Variants in ZNRF4 observed in about 807,000 individuals in gnomAD.
ZNRF4 encodes the protein zinc and ring finger 4.
For synonymous variants in ZNRF4, 291 were observed against 285.9 expected (o/e 1.02, Z -0.18); for missense variants, 569 against 609.4 (o/e 0.93, Z 0.70).
Position 5,456,482 on chromosome 19 carries a change from T to C in ZNRF4, c.991T>C (p.Tyr331His). ...CAAGATCCTGCCCTGCTCCCACACC[T>C]ACCACTGCAAATGCATTGACCCCTG... ...QLKILPCSHT[Y>H]HCKCIDPWFS... The change falls in exon 1 of 1, where the codon TAC becomes CAC. Residue 331 changes from tyrosine to histidine, a missense_variant. Transcript: ENST00000222033. 6.2e-7 allele frequency: 1 copy of C among 1,614,098 alleles called. No homozygotes were observed. Among genetic ancestry groups the C allele is most frequent in the Non-Finnish European group, 8.5e-7 (1 of 1,180,030 alleles).
chr19:5,455,834 G>C lies in ZNRF4; in HGVS notation c.343G>C (p.Asp115His). Reference protein sequence around the residue: ...EDNSSSVDFADLPALFGVPLA... With the variant: ...EDNSSSVDFAHLPALFGVPLA... The stretch of plus-strand genomic sequence containing the variant: ...CAACTCGAGCTCGGTGGACTTTGCG[G>C]ATCTGCCGGCGCTGTTCGGCGTCCC... The change falls in exon 1 of 1, where the codon GAT (aspartate) becomes CAT (histidine). Residue 115 changes from aspartate to histidine, a missense_variant. Physicochemically the swap from Asp to His is moderately conservative, Grantham distance 81 (BLOSUM62 -1). Coordinates refer to ENST00000222033, the MANE Select transcript of ZNRF4 (RefSeq NM_181710.4). 1 of 1,604,128 alleles carries C rather than the reference G, an allele frequency of 6.2e-7. No homozygotes were observed. Among genetic ancestry groups the C allele is most frequent in the South Asian group, 1.1e-5 (1 of 91,080 alleles).
rs748996199 is a variant in ZNRF4, at chr19:5,455,563, G to A, written c.72G>A (p.Leu24=). ...SRVPVAASLP[L]SHAVIPTQLP... ...TCCCAGTGGCCGCGTCACTGCCTCT[G>A]AGCCACGCGGTCATTCCAACTCAAC... Residue 24 remains leucine, a synonymous_variant, in exon 1 of 1, where the codon CTG becomes CTA. Transcript: ENST00000222033. 4 of 1,612,588 alleles carry A rather than the reference G, an allele frequency of 2.5e-6. No homozygotes were observed. Among genetic ancestry groups the A allele is most frequent in the African/African-American group, 1.3e-5 (1 of 74,942 alleles).
At position 5,455,667 on chromosome 19, in the gene ZNRF4, G is replaced by A. The variant is rs950461118; in HGVS notation, c.176G>A (p.Gly59Glu). The change falls in exon 1 of 1, where the codon GGA becomes GAA. Residue 59 changes from glycine (G) to glutamate (E), a missense_variant. Gly to Glu is a moderately conservative substitution (Grantham distance 98, BLOSUM62 -2). Coordinates refer to ENST00000222033, the MANE Select transcript of ZNRF4 (RefSeq NM_181710.4). ...PKASCLPPPV[G>E]PSSTQTAKRV... ...GCCTCATGCCTGCCGCCTCCAGTGG[G>A]ACCTAGCAGCACACAGACAGCGAAG... is the stretch of plus-strand genomic sequence containing the variant. The A allele has an allele frequency of 6.8e-6, 11 of 1,610,022 alleles. No homozygotes were observed. The highest frequency in any genetic ancestry group is 9.3e-6 in the Non-Finnish European group (11 of 1,179,960).
chr19:5,455,573 G>A lies in ZNRF4; in HGVS notation c.82G>A (p.Val28Ile), dbSNP rs2051609376. The A allele has an allele frequency of 6.2e-7, 1 of 1,612,524 alleles. No individual in the cohort carries two copies. Among genetic ancestry groups the A allele is most frequent in the African/African-American group, 1.3e-5 (1 of 74,962 alleles). ...CGCGTCACTGCCTCTGAGCCACGCG[G>A]TCATTCCAACTCAACTGCCCTCGCG... ...VAASLPLSHAVIPTQLPSRPG... is the reference protein window; with the variant it reads ...VAASLPLSHAIIPTQLPSRPG... The change falls in exon 1 of 1, where the codon GTC becomes ATC. Residue 28 changes from valine (V) to isoleucine (I), a missense_variant. By Grantham distance (29) the Val-to-Ile change is conservative. Coordinates refer to ENST00000222033, the MANE Select transcript of ZNRF4 (RefSeq NM_181710.4).
rs1031952634 is a variant in ZNRF4, at chr19:5,456,513, C to T, written c.1022C>T (p.Ser341Phe). The change falls in exon 1 of 1, where the codon TCC becomes TTC. Residue 341 changes from serine to phenylalanine, a missense_variant. Transcript: ENST00000222033. Reference sequence around the variant, plus strand: ...TGCAAATGCATTGACCCCTGGTTCTCCCAAGCCCCCCGGCGCTCCTGCCCC... The same window carrying T: ...TGCAAATGCATTGACCCCTGGTTCTTCCAAGCCCCCCGGCGCTCCTGCCCC... The part of the protein sequence containing the change: ...YHCKCIDPWF[S>F]QAPRRSCPVC... 5.0e-6 allele frequency: 8 copies of T among 1,614,172 alleles called. No individual in the cohort carries two copies. Among genetic ancestry groups the T allele is most frequent in the Non-Finnish European group, 6.8e-6 (8 of 1,180,048 alleles).
chr19:5,455,557 G>T lies in ZNRF4; in HGVS notation c.66G>T (p.Leu22=). The T allele has an allele frequency of 6.2e-7, 1 of 1,612,800 alleles. No homozygotes were observed. ...RASRVPVAAS[L]PLSHAVIPTQ... is the part of the protein sequence containing the mutation. ...GCAGGGTCCCAGTGGCCGCGTCACT[G>T]CCTCTGAGCCACGCGGTCATTCCAA... Residue 22 remains leucine, a synonymous_variant, in exon 1 of 1, where the codon CTG becomes CTT. Coordinates refer to ENST00000222033, the MANE Select transcript of ZNRF4 (RefSeq NM_181710.4).
In ZNRF4 at chr19:5,456,313, C is replaced by A. The variant is rs938903275; in HGVS notation, c.822C>A (p.His274Gln). Residue 274 changes from histidine (H) to glutamine (Q), a missense_variant, in exon 1 of 1, where the codon CAC becomes CAA. His to Gln is a conservative substitution (Grantham distance 24). Coordinates refer to ENST00000222033, the MANE Select transcript of ZNRF4 (RefSeq NM_181710.4). ...LVVSAFFVLN[H>Q]LWLWAQACCS... is the part of the protein sequence containing the mutation. ...TATCAGCCTTCTTTGTCCTGAACCACCTGTGGCTCTGGGCCCAGGCCTGCT... is the reference window on the plus strand; with the variant it reads ...TATCAGCCTTCTTTGTCCTGAACCAACTGTGGCTCTGGGCCCAGGCCTGCT... 2.5e-6 allele frequency: 4 copies of A among 1,613,760 alleles called. No homozygotes were observed. The highest frequency in any genetic ancestry group is 3.4e-6 in the Non-Finnish European group (4 of 1,180,050).
In ZNRF4 at chr19:5,456,677, G is replaced by C; in HGVS notation, c.1186G>C (p.Glu396Gln). 2.5e-6 allele frequency: 4 copies of C among 1,613,458 alleles called. No homozygotes were observed. The highest frequency in any genetic ancestry group is 3.4e-6 in the Non-Finnish European group (4 of 1,179,640). Residue 396 changes from glutamate to glutamine, a missense_variant, in exon 1 of 1, where the codon GAG becomes CAG. Physicochemically the swap from Glu to Gln is conservative, Grantham distance 29. Transcript: ENST00000222033. The part of the protein sequence containing the change: ...IQVQLRSRRL[E>Q]LLGRASPHCH... ...AGTCCAGCTACGCTCCCGGAGGCTG[G>C]AGCTGCTGGGCCGCGCCAGTCCCCA...
In ZNRF4 at chr19:5,456,022, C is replaced by T. The variant is rs377305287; in HGVS notation, c.531C>T (p.Arg177=). 4.7e-5 allele frequency: 76 copies of T among 1,601,448 alleles called. No individual in the cohort carries two copies. Among genetic ancestry groups the T allele is most frequent in the Non-Finnish European group, 6.0e-5 (71 of 1,179,798 alleles). Residue 177 remains arginine, a synonymous_variant, in exon 1 of 1, where the codon CGC becomes CGT. Coordinates refer to ENST00000222033, the MANE Select transcript of ZNRF4 (RefSeq NM_181710.4). ...TFDLKVLNAQ[R]AGFEAAIVHN... ...ACCTCAAGGTGCTGAACGCCCAGCG[C>T]GCCGGCTTCGAGGCGGCCATCGTGC...
At position 5,456,500 on chromosome 19, in the gene ZNRF4, G is replaced by C. The variant is rs555282051; in HGVS notation, c.1009G>C (p.Asp337His). 6 of 1,614,104 alleles carry C rather than the reference G, an allele frequency of 3.7e-6. No individual in the cohort carries two copies. The Admixed American group carries it at 8.3e-5, about 22-fold the overall frequency. Reference protein sequence around the residue: ...CSHTYHCKCIDPWFSQAPRRS... With the variant: ...CSHTYHCKCIHPWFSQAPRRS... ...CCACACCTACCACTGCAAATGCATT[G>C]ACCCCTGGTTCTCCCAAGCCCCCCG... is the stretch of plus-strand genomic sequence containing the variant. The change falls in exon 1 of 1, where the codon GAC becomes CAC. Residue 337 changes from aspartate to histidine, a missense_variant. Transcript: ENST00000222033.
At position 5,456,192 on chromosome 19, in the gene ZNRF4, C is replaced by A. The variant is rs199777438; in HGVS notation, c.701C>A (p.Ala234Glu). 1 of 1,609,242 alleles carries A rather than the reference C, an allele frequency of 6.2e-7. No individual in the cohort carries two copies. Among genetic ancestry groups the A allele is most frequent in the Middle Eastern group, 1.6e-4 (1 of 6,062 alleles). ...VILGCNKSAH[A>E]LLLPDDPPCH... ...CTGGGCTGCAACAAGTCGGCCCACG[C>A]GCTGCTCCTGCCCGACGACCCACCG... is the stretch of plus-strand genomic sequence containing the variant. Residue 234 changes from alanine (A) to glutamate (E), a missense_variant, in exon 1 of 1, where the codon GCG (alanine) becomes GAG (glutamate). By Grantham distance (107) the Ala-to-Glu change is moderately radical. Coordinates refer to ENST00000222033, the MANE Select transcript of ZNRF4 (RefSeq NM_181710.4).
chr19:5,456,164 A>G lies in ZNRF4; in HGVS notation c.673A>G (p.Ile225Val), dbSNP rs781132937. 1 of 1,607,742 alleles carries G rather than the reference A, an allele frequency of 6.2e-7. No homozygotes were observed. The highest frequency in any genetic ancestry group is 1.3e-5 in the African/African-American group (1 of 75,034). ...GGCCGCCTCGCAGGACCTGCGGGTC[A>G]TCCTGGGCTGCAACAAGTCGGCCCA... ...SEAASQDLRVILGCNKSAHAL... is the reference protein window; with the variant it reads ...SEAASQDLRVVLGCNKSAHAL... Residue 225 changes from isoleucine (I) to valine (V), a missense_variant, in exon 1 of 1, where the codon ATC becomes GTC. Transcript: ENST00000222033.
Position 5,456,289 on chromosome 19 carries a change from A to G in ZNRF4, c.798A>G (p.Val266=). The change falls in exon 1 of 1, where the codon GTA becomes GTG. Residue 266 remains valine (V), a synonymous_variant. Transcript: ENST00000222033. ...WVLGCTLALV[V]SAFFVLNHLW... ...TGGGCTGTACCCTGGCCCTGGTCGT[A>G]TCAGCCTTCTTTGTCCTGAACCACC... 1 of 1,613,778 alleles carries G rather than the reference A, an allele frequency of 6.2e-7. No homozygotes were observed. The highest frequency in any genetic ancestry group is 8.5e-7 in the Non-Finnish European group (1 of 1,180,030).
Position 5,456,805 on chromosome 19 carries a change from G to T in ZNRF4, c.*24G>T. ...AAAGATCTAGGGCAGGGAGGGGGGT[G>T]CAATGAGGAATGTTTCTGGTCTGAA... On this transcript the variant is annotated 3_prime_UTR_variant, in exon 1 of 1. Coordinates refer to ENST00000222033, the MANE Select transcript of ZNRF4 (RefSeq NM_181710.4). The T allele has an allele frequency of 6.6e-7, 1 of 1,509,098 alleles. No homozygotes were observed. Among genetic ancestry groups the T allele is most frequent in the Non-Finnish European group, 8.9e-7 (1 of 1,127,760 alleles). The allele number at this position is 1,509,098 out of a possible 1,614,324, so 93.5% of individuals were successfully genotyped here.
In ZNRF4 at chr19:5,455,633, T is replaced by C. The variant is rs2051609939; in HGVS notation, c.142T>C (p.Cys48Arg). The C allele has an allele frequency of 1.2e-6, 2 of 1,610,782 alleles. No individual in the cohort carries two copies. Among genetic ancestry groups the C allele is most frequent in the Non-Finnish European group, 1.7e-6 (2 of 1,179,976 alleles). Reference protein sequence around the residue: ...GHRPPGRPRRCPKASCLPPPV... With the variant: ...GHRPPGRPRRRPKASCLPPPV... Reference sequence around the variant, plus strand: ...CAGGCCCCCTGGGAGACCCCGGAGATGCCCAAAGGCCTCATGCCTGCCGCC... The same window carrying C: ...CAGGCCCCCTGGGAGACCCCGGAGACGCCCAAAGGCCTCATGCCTGCCGCC... The change falls in exon 1 of 1, where the codon TGC becomes CGC. Residue 48 changes from cysteine to arginine, a missense_variant. Transcript: ENST00000222033.
chr19:5,455,793 G>A lies in ZNRF4; in HGVS notation c.302G>A (p.Arg101Gln), dbSNP rs141487677. 122 of 1,603,858 alleles carry A rather than the reference G, an allele frequency of 7.6e-5. No individual in the cohort carries two copies. The highest frequency in any genetic ancestry group is 6.1e-4 in the African/African-American group (46 of 75,046). The change falls in exon 1 of 1, where the codon CGG (arginine) becomes CAG (glutamine). Residue 101 changes from arginine to glutamine, a missense_variant. Arg to Gln is a conservative substitution (Grantham distance 43). Transcript: ENST00000222033. The stretch of plus-strand genomic sequence containing the variant: ...CAGGTGCCCGCGCAGGCAGTGGTAC[G>A]GGCCGTGCTGGAAGACAACTCGAGC... ...LLQVPAQAVV[R>Q]AVLEDNSSSV...
chr19:5,456,525 G>A lies in ZNRF4; in HGVS notation c.1034G>A (p.Arg345Gln), dbSNP rs767996579. ...GACCCCTGGTTCTCCCAAGCCCCCC[G>A]GCGCTCCTGCCCCGTGTGCAAACAG... is the stretch of plus-strand genomic sequence containing the variant. Reference protein sequence around the residue: ...CIDPWFSQAPRRSCPVCKQSV... With the variant: ...CIDPWFSQAPQRSCPVCKQSV... The change falls in exon 1 of 1, where the codon CGG becomes CAG. Residue 345 changes from arginine (R) to glutamine (Q), a missense_variant. By Grantham distance (43) the Arg-to-Gln change is conservative (BLOSUM62 1). Transcript: ENST00000222033. 17 of 1,614,008 alleles carry A rather than the reference G, an allele frequency of 1.1e-5. No homozygotes were observed. Among genetic ancestry groups the A allele is most frequent in the South Asian group, 9.9e-5 (9 of 91,086 alleles).
rs556018634 is a variant in ZNRF4 at position 5,455,870 on chromosome 19, G to A, written c.379G>A (p.Glu127Lys). 24 of 1,603,558 alleles carry A rather than the reference G, an allele frequency of 1.5e-5. No homozygotes were observed. The highest frequency in any genetic ancestry group is 9.3e-5 in the African/African-American group (7 of 75,064). ...PALFGVPLAP[E>K]GIRGYLMEVK... Reference sequence around the variant, plus strand: ...GCTGTTCGGCGTCCCCCTGGCCCCCGAGGGCATACGGGGCTACCTGATGGA... The same window carrying A: ...GCTGTTCGGCGTCCCCCTGGCCCCCAAGGGCATACGGGGCTACCTGATGGA... Residue 127 changes from glutamate (E) to lysine (K), a missense_variant, in exon 1 of 1, where the codon GAG becomes AAG. Physicochemically the swap from Glu to Lys is moderately conservative, Grantham distance 56 (BLOSUM62 1). Transcript: ENST00000222033.
Position 5,456,273 on chromosome 19 carries a change from C to T in ZNRF4, c.782C>T (p.Thr261Ile). The T allele has an allele frequency of 6.2e-7, 1 of 1,613,542 alleles. No homozygotes were observed. The highest frequency in any genetic ancestry group is 8.5e-7 in the Non-Finnish European group (1 of 1,180,026). Residue 261 changes from threonine (T) to isoleucine (I), a missense_variant, in exon 1 of 1, where the codon ACC becomes ATC. By Grantham distance (89) the Thr-to-Ile change is moderately conservative. Coordinates refer to ENST00000222033, the MANE Select transcript of ZNRF4 (RefSeq NM_181710.4). ...ACCGTGTCCTGGGTGCTGGGCTGTA[C>T]CCTGGCCCTGGTCGTATCAGCCTTC... ...VLTVSWVLGC[T>I]LALVVSAFFV...
Sources: allele counts gnomAD v4.1 joint callset, GRCh38; gene constraint gnomAD v4.1.1; transcripts MANE v1.5; gene names NCBI Gene and HGNC (gene_info 2026-07-23, HGNC 2026-07-21).